TRERF1: variants seen among roughly 807,000 people sequenced by gnomAD.
TRERF1 encodes transcriptional regulating factor 1.
TRERF1 carries 27 observed loss-of-function variants against 122.9 expected under a neutral mutation model. That is an observed-to-expected ratio of 0.22 (90% CI 0.16 to 0.30). The LOEUF is 0.30. Among genes scored for constraint, TRERF1 ranks in the 10% least tolerant of loss-of-function variants. The pLI, the probability that TRERF1 is intolerant of heterozygous loss-of-function variation, is 1.00. For missense variants in TRERF1, 1,248 were observed against 1,560.3 expected, an observed-to-expected ratio of 0.80 and a Z score of 3.37; for synonymous variants, 636 against 641.7, an observed-to-expected ratio of 0.99 and a Z score of 0.13.
At chr6:42,264,314 G>T (rs1164281226) in intron 7 of TRERF1, among the ~76,000 whole-genome samples, 1 of 152,260 alleles carries the variant, frequency 6.6e-6, no homozygotes, top group African/African-American at 2.4e-5. Context: ...AGAGCCTGAT[G>T]ATTATATTAG....
intron 3 of TRERF1, among the ~76,000 whole-genome samples, chr6:42,313,770 G>T (rs973294831): frequency 6.6e-6 from 1 of 152,084 alleles, no homozygotes. Context: ...GAAAGACCTT[G>T]GATTTCAACA....
intron 2 of TRERF1, among the ~76,000 whole-genome samples, chr6:42,424,313 C>A (rs1783283723): frequency 6.6e-6 from 1 of 152,192 alleles, no homozygotes; most frequent in African/African-American, 2.4e-5. Context: ...ACAGGTTGAA[C>A]ATCCCTAAGC....
chr6:42,262,608 A>AGAG (rs1778386555), intron 8 of TRERF1, among the ~76,000 whole-genome samples: 1 of 104,246 alleles, frequency 9.6e-6, no homozygotes, highest in Non-Finnish European at 2.0e-5. Context: ...AGACAGACAG[A>AGAG]CGGAAACCCT....
chr6:42,326,696 A>T (rs1469653311), intron 3 of TRERF1, among the ~76,000 whole-genome samples: 1 of 152,194 alleles, frequency 6.6e-6, no homozygotes, highest in Non-Finnish European at 1.5e-5. Context: ...TGTATCATCT[A>T]TTACCACAAG....
At chr6:42,363,799 G>C (rs1403971531) in intron 2 of TRERF1, among the ~76,000 whole-genome samples, 2 of 152,178 alleles carry the variant, frequency 1.3e-5, no homozygotes, top group African/African-American at 4.8e-5. Flanking sequence ...CCCAGAGTTG[G>C]AAAGGAGCCC....
At chr6:42,300,218 T>G (rs578011759) in intron 4 of TRERF1, among the ~76,000 whole-genome samples, 1 of 152,232 alleles carries the variant, frequency 6.6e-6, no homozygotes, top group Non-Finnish European at 1.5e-5. Flanking sequence ...ACTGATCATC[T>G]AAGGCCCCTT....
rs573990614 is a variant in TRERF1, at chr6:42,299,971, T to A, written c.-259+667A>T. ...CAGACGCTGGAGGTAACTAAAGCCC[T>A]TTCCAACACAGAGGGGACGAGAGGA... On this transcript the variant is annotated intron_variant, in intron 4 of 17. Coordinates refer to ENST00000372922, the Ensembl canonical transcript of TRERF1. Among the ~76,000 whole-genome samples, 3 of 152,316 alleles carry A rather than the reference T, an allele frequency of 2.0e-5. No homozygotes were observed. The South Asian group carries it at 6.2e-4, about 32-fold the overall frequency.
At chr6:42,256,980 T>C in exon 11 of TRERF1, 4 of 1,614,216 alleles carry the variant, frequency 2.5e-6, no homozygotes, top group South Asian at 1.1e-5. Context: ...CTGGAGGTCA[T>C]GGTTTTCTAG....
intron 3 of TRERF1, among the ~76,000 whole-genome samples, chr6:42,306,020 G>A (rs1373633039): frequency 2.2e-4 from 3 of 13,534 alleles, no homozygotes; most frequent in African/African-American, 2.4e-4. Context: ...TTTTTTTTTT[G>A]AGACAGAGTC....
In TRERF1 at chr6:42,436,740, CTG is replaced by C. The variant is rs569999618; in HGVS notation, c.-454+14435_-454+14436del. Reference sequence around the variant, plus strand: ...AGCCCTTTTTTATTTTCTTCCTCATCTGTGTCAGTATTTTCCAAATTCTCTAT... The same window carrying C: ...AGCCCTTTTTTATTTTCTTCCTCATCTGTCAGTATTTTCCAAATTCTCTAT... On this transcript the variant is annotated intron_variant, in intron 2 of 17. Transcript: ENST00000372922. Among the ~76,000 whole-genome samples the C allele has an allele frequency of 2.8e-5, 4 of 142,532 alleles. No individual in the cohort carries two copies. The Admixed American group carries it at 2.9e-4, about 10-fold the overall frequency. The allele number at this position is 142,532 out of a possible 152,430, so 93.5% of individuals were successfully genotyped here.
At chr6:42,315,042 G>A (rs967772829) in intron 3 of TRERF1, among the ~76,000 whole-genome samples, 3 of 152,184 alleles carry the variant, frequency 2.0e-5, no homozygotes, top group Non-Finnish European at 2.9e-5. Flanking sequence ...TGGTGACAGC[G>A]AGTGCAGTGG....
intron 2 of TRERF1, among the ~76,000 whole-genome samples, chr6:42,432,465 G>C (rs1298075609): frequency 6.6e-6 from 1 of 152,166 alleles, no homozygotes; most frequent in African/African-American, 2.4e-5. Flanking sequence ...CAAACTGTGT[G>C]AAATGACCTA....
intron 4 of TRERF1, among the ~76,000 whole-genome samples, chr6:42,290,382 G>A (rs898047035): frequency 1.3e-5 from 2 of 152,122 alleles, no homozygotes; most frequent in Non-Finnish European, 1.5e-5. Flanking sequence ...AACAGAAGCC[G>A]ATTTCTTCCT....
chr6:42,405,935 G>T (rs1348235096), intron 2 of TRERF1, among the ~76,000 whole-genome samples: 1 of 152,112 alleles, frequency 6.6e-6, no homozygotes, highest in Non-Finnish European at 1.5e-5. Flanking sequence ...GACCCACCAT[G>T]CAACAAAGCC....
At chr6:42,389,600 T>C (rs1474956632) in intron 2 of TRERF1, among the ~76,000 whole-genome samples, 1 of 152,182 alleles carries the variant, frequency 6.6e-6, no homozygotes, top group Non-Finnish European at 1.5e-5. Flanking sequence ...CATTCCTGTT[T>C]TCATTCTTTT....
At chr6:42,357,733 C>T (rs1770870443) in intron 3 of TRERF1, among the ~76,000 whole-genome samples, 1 of 152,204 alleles carries the variant, frequency 6.6e-6, no homozygotes, top group East Asian at 1.9e-4. Context: ...GGGTTACTTT[C>T]ACACCAGTCA....
intron 3 of TRERF1, among the ~76,000 whole-genome samples, chr6:42,321,592 T>C (rs1331106411): frequency 6.6e-6 from 1 of 152,160 alleles, no homozygotes; most frequent in Admixed American, 6.5e-5. Context: ...AGTAAATAAA[T>C]GAGCAAGTCA....
chr6:42,406,028 T>C (rs1426920257), intron 2 of TRERF1, among the ~76,000 whole-genome samples: 1 of 152,150 alleles, frequency 6.6e-6, no homozygotes, highest in Non-Finnish European at 1.5e-5. Flanking sequence ...CTAGTGTGTA[T>C]GGAAGACCTG....
chr6:42,450,522 G>C (rs1391081219), intron 2 of TRERF1, among the ~76,000 whole-genome samples: 1 of 152,234 alleles, frequency 6.6e-6, no homozygotes, highest in African/African-American at 2.4e-5. Context: ...GAAGACACAC[G>C]GAGGAACCAG....
Sources: allele counts gnomAD v4.1 joint callset (sites outside exome capture counted in the v4.1 genomes callset), GRCh38; gene constraint gnomAD v4.1.1; transcripts MANE v1.5; gene names NCBI Gene and HGNC (gene_info 2026-07-23, HGNC 2026-07-21).